The following ACAD8 variants were observed in gnomAD, a reference collection of about 807,000 sequenced individuals.
The protein encoded by ACAD8 is acyl-CoA dehydrogenase family member 8, also known as isobutyryl-CoA dehydrogenase, mitochondrial.
ACAD8 carries 47 observed loss-of-function variants against 53.1 expected under a neutral mutation model. That is an observed-to-expected ratio of 0.89 (90% CI 0.70 to 1.13). The LOEUF is 1.13. Among genes scored for constraint, ACAD8 ranks in the 50% most tolerant of loss-of-function variants. The pLI, the probability that ACAD8 is intolerant of heterozygous loss-of-function variation, is 0.00. For synonymous variants in ACAD8, 198 were observed against 201.3 expected (o/e 0.98, Z 0.14); for missense variants, 494 against 535.0 (o/e 0.92, Z 0.76).
At chr11:134,264,304 C>T (rs1157947749) in intron 10 of ACAD8, among the ~76,000 whole-genome samples, 1 of 152,132 alleles carries the variant, frequency 6.6e-6, no homozygotes, top group Non-Finnish European at 1.5e-5. Context: ...GAGATTGCAC[C>T]ATCGCACTCC....
At chr11:134,262,881 C>T in intron 10 of ACAD8, 1 of 1,369,984 alleles carries the variant, frequency 7.3e-7, no homozygotes, top group Non-Finnish European at 9.6e-7. Flanking sequence ...GAAGGGTGAA[C>T]TGAGATAATG....
Position 134,265,837 on chromosome 11 carries a change from C to G in ACAD8, c.*877C>G, listed in dbSNP as rs529398167. The G allele has an allele frequency of 1.3e-5, 2 of 152,250 alleles. No individual in the cohort carries two copies. Among genetic ancestry groups the G allele is most frequent in the South Asian group, 4.1e-4 (2 of 4,826 alleles). The allele number at this position is 152,250 out of a possible 1,614,324, so 9.4% of individuals were successfully genotyped here. ...GATTTTGGAATAATAAAACTCTCGT[C>G]CAATTTGGCTTTTAAAAAGCAGGCT... On this transcript the variant is annotated 3_prime_UTR_variant, in exon 11 of 11. Transcript: ENST00000281182.
In ACAD8 at chr11:134,261,490, T is replaced by A. The variant is rs1939878952; in HGVS notation, c.939+118T>A. ...TCCTCTGTCAGTCCCACCACTGTCC[T>A]AGCCAGAGCTTGTGCTTTATTTCTG... On this transcript the variant is annotated intron_variant, in intron 8 of 10. Transcript: ENST00000281182. The surrounding 1 kb of genome is among the most constrained non-coding windows in gnomAD (Gnocchi z 4.2). 6.7e-7 allele frequency: 1 copy of A among 1,499,426 alleles called. No individual in the cohort carries two copies. The highest frequency in any genetic ancestry group is 1.4e-5 in the African/African-American group (1 of 72,812). The allele number at this position is 1,499,426 out of a possible 1,614,324, so 92.9% of individuals were successfully genotyped here.
chr11:134,264,537 A>G (rs905795333), intron 10 of ACAD8, among the ~76,000 whole-genome samples: 3 of 152,310 alleles, frequency 2.0e-5, no homozygotes, highest in East Asian at 1.9e-4. Context: ...AAGAAAAAAA[A>G]TCACTCATGT....
At chr11:134,263,180 G>A (rs901230284) in intron 10 of ACAD8, 34 of 1,071,330 alleles carry the variant, frequency 3.2e-5, no homozygotes, top group African/African-American at 1.2e-4. Flanking sequence ...GAGCCTGGCT[G>A]TCTCCACTCT....
chr11:134,256,508 T>C, intron 1 of ACAD8, 40 bp from the exon 2 acceptor site: 1 of 1,561,580 alleles, frequency 6.4e-7, no homozygotes. Context: ...TTGGCAACAC[T>C]GACCCTGTCC....
In ACAD8 at chr11:134,253,586, G is replaced by A. The variant is rs1384212317; in HGVS notation, c.-15G>A. The stretch of plus-strand genomic sequence containing the variant: ...GGCGTTCAGACTCTTAGCTGAACGC[G>A]GAGCTGCGGCGGCTATGCTGTGGAG... On this transcript the variant is annotated 5_prime_UTR_variant, in exon 1 of 11. Transcript: ENST00000281182. 3.8e-6 allele frequency: 6 copies of A among 1,570,954 alleles called. No homozygotes were observed. In the East Asian group the frequency reaches 1.2e-4, roughly 31 times the overall value.
Position 134,261,029 on chromosome 11 carries a change from C to T in ACAD8, c.706-15C>T, listed in dbSNP as rs1285525276. On this transcript the variant is annotated splice_polypyrimidine_tract_variant and intron_variant, in intron 6 of 10. Coordinates refer to ENST00000281182, the MANE Select transcript of ACAD8 (RefSeq NM_014384.3). This position sits in a 1 kb window ranked among gnomAD's most constrained non-coding sequence, Gnocchi z 4.2. ...TGGATTGTTGGGCAACCACGCAGTCCCTGATTTTTGCCAGGTGGGGTGGAA... is the reference window on the plus strand; with the variant it reads ...TGGATTGTTGGGCAACCACGCAGTCTCTGATTTTTGCCAGGTGGGGTGGAA... 8 of 1,611,464 alleles carry T rather than the reference C, an allele frequency of 5.0e-6. No homozygotes were observed. The highest frequency in any genetic ancestry group is 5.9e-6 in the Non-Finnish European group (7 of 1,179,010).
chr11:134,262,863 A>T, intron 10 of ACAD8: 2 of 1,399,700 alleles, frequency 1.4e-6, no homozygotes, highest in Non-Finnish European at 1.9e-6. Flanking sequence ...TCCTCTGGAG[A>T]TCTGCGAGAA....
intron 1 of ACAD8, among the ~76,000 whole-genome samples, chr11:134,255,181 G>C (rs756532329): frequency 9.9e-5 from 15 of 152,236 alleles, no homozygotes; most frequent in Non-Finnish European, 1.8e-4. Flanking sequence ...CTGTTGCCCA[G>C]GCTGGAGTAC....
At position 134,259,078 on chromosome 11, in the gene ACAD8, C is replaced by T. The variant is rs1419750503; in HGVS notation, c.561C>T (p.Gly187=). The T allele has an allele frequency of 6.2e-7, 1 of 1,613,962 alleles. No individual in the cohort carries two copies. The highest frequency in any genetic ancestry group is 8.5e-7 in the Non-Finnish European group (1 of 1,179,938). ...KKQGDHYILN[G]SKAFISGAGE... ...AGGGAGATCATTACATCCTCAATGGCTCCAAGGTACTAGCGTGCGTCCTCC... is the reference window on the plus strand; with the variant it reads ...AGGGAGATCATTACATCCTCAATGGTTCCAAGGTACTAGCGTGCGTCCTCC... The change falls in exon 5 of 11, where the codon GGC becomes GGT. Residue 187 remains glycine, a synonymous_variant. Transcript: ENST00000281182.
Position 134,261,804 on chromosome 11 carries a change from G to T in ACAD8, c.1006G>T (p.Ala336Ser). Residue 336 changes from alanine to serine, a missense_variant, in exon 9 of 11, where the codon GCA becomes TCA. Physicochemically the swap from Ala to Ser is moderately conservative, Grantham distance 99 (BLOSUM62 1). Transcript: ENST00000281182. This position sits in a 1 kb window ranked among gnomAD's most constrained non-coding sequence, Gnocchi z 4.2. ...LVAARLMVRNAAVALQEERKD... is the reference protein window; with the variant it reads ...LVAARLMVRNSAVALQEERKD... The stretch of plus-strand genomic sequence containing the variant: ...GGCCGCGCGGCTGATGGTCCGCAAT[G>T]CAGCAGTGGCTCTGCAGGAGGAGAG... 6.2e-7 allele frequency: 1 copy of T among 1,614,202 alleles called. No individual in the cohort carries two copies. The highest frequency in any genetic ancestry group is 1.1e-5 in the South Asian group (1 of 91,090).
rs1250917164 is a variant in ACAD8, at chr11:134,265,205, T to G, written c.*245T>G. The G allele has an allele frequency of 3.5e-6, 2 of 568,094 alleles. No individual in the cohort carries two copies. The highest frequency in any genetic ancestry group is 6.3e-6 in the Non-Finnish European group (2 of 319,512). 35.2% of individuals were successfully genotyped at this position (568,094 alleles called of 1,614,324 possible). A position where few individuals can be genotyped will look rare whatever the true frequency, so the allele number is the denominator to read the frequency against. ...AAGAACACATACTACCTTGTTTTCCTAATGCCAGAAGGGTGACCAGTGAAG... is the reference window on the plus strand; with the variant it reads ...AAGAACACATACTACCTTGTTTTCCGAATGCCAGAAGGGTGACCAGTGAAG... On this transcript the variant is annotated 3_prime_UTR_variant, in exon 11 of 11. Coordinates refer to ENST00000281182, the MANE Select transcript of ACAD8 (RefSeq NM_014384.3).
At position 134,265,396 on chromosome 11, in the gene ACAD8, C is replaced by T. The variant is rs1282155748; in HGVS notation, c.*436C>T. 5.2e-6 allele frequency: 1 copy of T among 190,510 alleles called. No individual in the cohort carries two copies. Among genetic ancestry groups the T allele is most frequent in the Non-Finnish European group, 1.1e-5 (1 of 91,038 alleles). 11.8% of individuals were successfully genotyped at this position (190,510 alleles called of 1,614,324 possible). A position where few individuals can be genotyped will look rare whatever the true frequency, so the allele number is the denominator to read the frequency against. On this transcript the variant is annotated 3_prime_UTR_variant, in exon 11 of 11. Transcript: ENST00000281182. ...GGAAGGGGAAATGGAGGAATGCCCT[C>T]CTGTCTGTGTCGTTCTCTGTGCCAC... is the stretch of plus-strand genomic sequence containing the variant.
In ACAD8 at chr11:134,263,988, C is replaced by G. The variant is rs750609458; in HGVS notation, c.1196-920C>G. ...TCCTTTCAGGGAAAATGTTTTCATT[C>G]TTTTGTAAGTCAGTTTTCTGATTAC... is the stretch of plus-strand genomic sequence containing the variant. On this transcript the variant is annotated intron_variant, in intron 10 of 10. Coordinates refer to ENST00000281182, the MANE Select transcript of ACAD8 (RefSeq NM_014384.3). The G allele has an allele frequency of 1.5e-5, 15 of 985,158 alleles. 1 individual carries two copies. The South Asian group carries it at 6.6e-4, about 43-fold the overall frequency. The allele number at this position is 985,158 out of a possible 1,614,324, so 61.0% of individuals were successfully genotyped here.
rs1354656720 is a variant in ACAD8, at chr11:134,261,998, C to G, written c.1092+108C>G. 3 of 1,294,946 alleles carry G rather than the reference C, an allele frequency of 2.3e-6. No individual in the cohort carries two copies. The highest frequency in any genetic ancestry group is 1.9e-5 in the Admixed American group (1 of 52,230). 80.2% of individuals were successfully genotyped at this position (1,294,946 alleles called of 1,614,324 possible). ...GGAACCCAGCCCTCCTGGAATCCCA[C>G]AAGGATCACCTTAAGCTTAAGGATA... is the stretch of plus-strand genomic sequence containing the variant. On this transcript the variant is annotated intron_variant, in intron 9 of 10. Transcript: ENST00000281182. This position sits in a 1 kb window ranked among gnomAD's most constrained non-coding sequence, Gnocchi z 4.2.
intron 6 of ACAD8, chr11:134,260,215 G>A: frequency 4.6e-6 from 5 of 1,085,218 alleles, no homozygotes; most frequent in Non-Finnish European, 5.6e-6. Flanking sequence ...GGTACTGTAA[G>A]TAATTTGAAA....
chr11:134,259,124 T>C, intron 5 of ACAD8, 40 bp downstream of exon 5: 3 of 1,570,992 alleles, frequency 1.9e-6, no homozygotes, highest in South Asian at 2.2e-5. Flanking sequence ...TGGAGATTGT[T>C]CCCAGCTTCC....
chr11:134,254,625 G>A (rs1939371678), intron 1 of ACAD8, among the ~76,000 whole-genome samples: 1 of 152,300 alleles, frequency 6.6e-6, no homozygotes, highest in South Asian at 2.1e-4. Context: ...CATTCAAGAG[G>A]TGCTGCCCTG....
Sources: gnomAD v4.1 joint callset for allele counts (sites outside exome capture counted in the v4.1 genomes callset) on GRCh38, gnomAD v4.1.1 for gene constraint, Gnocchi (gnomAD v3.1) non-coding constraint, MANE v1.5 for transcripts, NCBI Gene and HGNC (gene_info 2026-07-23, HGNC 2026-07-21) for gene names.